VPS8: variants seen among roughly 807,000 people sequenced by gnomAD.
VPS8 encodes vacuolar protein sorting-associated protein 8 homolog.
In VPS8, 129 loss-of-function variants were observed where a neutral mutation model predicts 216.4. The ratio of observed to expected loss-of-function variants is 0.60; its 90% CI spans 0.52 to 0.69. The LOEUF (loss-of-function observed/expected upper bound fraction) is 0.69. Ranked by LOEUF, VPS8 falls within the 30% of genes least tolerant of loss-of-function variation. The pLI, the probability that VPS8 is intolerant of heterozygous loss-of-function variation, is 0.00. For synonymous variants in VPS8, 571 were observed against 565.4 expected, an observed-to-expected ratio of 1.01 and a Z score of -0.14; for missense variants, 1,531 against 1,683.5, an observed-to-expected ratio of 0.91 and a Z score of 1.59.
At chr3:184,842,110 C>A (rs1405359808) in intron 7 of VPS8, among the ~76,000 whole-genome samples, 2 of 142,902 alleles carry the variant, frequency 1.4e-5, no homozygotes, top group African/African-American at 2.7e-5. Context: ...TGGCGTGAAC[C>A]CGGGAGGCGG....
intron 25 of VPS8, 24 bp downstream of exon 25, chr3:184,900,996 T>C (rs369251159): frequency 6.3e-7 from 1 of 1,599,818 alleles, no homozygotes. Flanking sequence ...AAGCCTTAAT[T>C]TTTTGCTTTC....
chr3:184,878,400 C>T (rs1175361421), intron 21 of VPS8, among the ~76,000 whole-genome samples: 2 of 152,160 alleles, frequency 1.3e-5, no homozygotes, highest in Non-Finnish European at 2.9e-5. Flanking sequence ...TGAGCCACTG[C>T]GCCTAACCTA....
At chr3:184,953,331 T>C (rs1745037953) in intron 36 of VPS8, among the ~76,000 whole-genome samples, 1 of 152,208 alleles carries the variant, frequency 6.6e-6, no homozygotes, top group Non-Finnish European at 1.5e-5. Flanking sequence ...GGAGGTTTTA[T>C]ACATTGATTT....
intron 9 of VPS8, 29 bp from the exon 10 acceptor site, chr3:184,849,897 GCAATAAATTT>G (rs1284930551): frequency 4.0e-6 from 6 of 1,510,458 alleles, no homozygotes; most frequent in Non-Finnish European, 5.5e-6. Flanking sequence ...CAAAAAAAGA[GCAATAAATTT>G]GTTTTTGAAG....
chr3:184,997,958 C>T (rs937484183), intron 44 of VPS8, among the ~76,000 whole-genome samples: 2 of 150,472 alleles, frequency 1.3e-5, no homozygotes, highest in Admixed American at 6.6e-5. Context: ...GGCCATGCAA[C>T]GTCAGAAGAG....
At chr3:184,953,499 C>T (rs191044211) in intron 36 of VPS8, among the ~76,000 whole-genome samples, 1 of 152,136 alleles carries the variant, frequency 6.6e-6, no homozygotes, top group Non-Finnish European at 1.5e-5. Context: ...GCGTGACTCT[C>T]TTCAGACCCT....
chr3:184,927,514 C>T (rs1003932881), intron 31 of VPS8, among the ~76,000 whole-genome samples: 3 of 152,136 alleles, frequency 2.0e-5, no homozygotes, highest in African/African-American at 7.2e-5. Flanking sequence ...CCCCTCATTT[C>T]AGCTGCTTAG....
chr3:184,965,636 T>C (rs75289511), intron 38 of VPS8, among the ~76,000 whole-genome samples: 1,525 of 152,350 alleles, frequency 0.01, 31 homozygotes, highest in African/African-American at 0.035. Context: ...TTGTAGCTAG[T>C]CTTCTTGTCA....
intron 46 of VPS8, among the ~76,000 whole-genome samples, chr3:185,041,211 A>G (rs371372159): frequency 0.011 from 1,632 of 145,280 alleles, 30 homozygotes; most frequent in African/African-American, 0.039. Context: ...ATCTCAAAGG[A>G]AAAAAAAAAA....
At chr3:185,003,306 C>T (rs543571784) in intron 45 of VPS8, among the ~76,000 whole-genome samples, 4,934 of 144,574 alleles carry the variant, frequency 0.034, 232 homozygotes, top group African/African-American at 0.12. Context: ...TGCGGCCTTC[C>T]GCAGTGTTTG....
At chr3:184,886,083 G>C (rs1439000360) in intron 21 of VPS8, 27 bp from the exon 22 acceptor site, 1 of 1,601,756 alleles carries the variant, frequency 6.2e-7, no homozygotes. Context: ...TTGTGGGGCT[G>C]ATGCTTTCTT....
intron 45 of VPS8, among the ~76,000 whole-genome samples, chr3:185,021,266 C>T (rs1263686234): frequency 1.3e-5 from 2 of 152,170 alleles, no homozygotes; most frequent in African/African-American, 4.8e-5. Flanking sequence ...TAAAATGTCT[C>T]TTTTAAGCTT....
intron 3 of VPS8, among the ~76,000 whole-genome samples, chr3:184,827,336 T>C (rs1719013357): frequency 6.6e-6 from 1 of 152,252 alleles, no homozygotes; most frequent in African/African-American, 2.4e-5. Flanking sequence ...ATTTTAACTT[T>C]GAATGTGTTC....
chr3:185,042,554 C>T (rs1711903975), intron 46 of VPS8, among the ~76,000 whole-genome samples: 1 of 152,176 alleles, frequency 6.6e-6, no homozygotes, highest in African/African-American at 2.4e-5. Context: ...GTCCTGGCAT[C>T]TCAGGATAAT....
intron 34 of VPS8, among the ~76,000 whole-genome samples, chr3:184,933,578 C>T (rs940803223): frequency 4.0e-5 from 6 of 151,766 alleles, no homozygotes; most frequent in African/African-American, 1.5e-4. Context: ...TCATTTCCCC[C>T]CCTCTTTATG....
chr3:184,925,140 A>G (rs187041437), intron 30 of VPS8, among the ~76,000 whole-genome samples, 159 bp downstream of exon 30: 5 of 152,250 alleles, frequency 3.3e-5, no homozygotes, highest in African/African-American at 9.6e-5. Flanking sequence ...GTATGTGTAT[A>G]TGGGTGTATG....
At chr3:184,849,223 A>G (rs1246031037) in intron 9 of VPS8, 28 bp downstream of exon 9, 4 of 1,600,452 alleles carry the variant, frequency 2.5e-6, no homozygotes, top group Non-Finnish European at 3.4e-6. Context: ...TTTAATTCAT[A>G]AGACAATGTT....
intron 45 of VPS8, among the ~76,000 whole-genome samples, chr3:185,006,799 A>G (rs1754315315): frequency 6.6e-6 from 1 of 151,958 alleles, no homozygotes; most frequent in Non-Finnish European, 1.5e-5. Context: ...TGGTGAATGC[A>G]TTGGAATCCC....
chr3:184,915,533 C>T (rs1050641932), intron 28 of VPS8, 59 bp downstream of exon 28: 22 of 1,562,138 alleles, frequency 1.4e-5, no homozygotes, highest in South Asian at 2.3e-5. Context: ...AATTTTTTGG[C>T]GGGGTGTGGT....
Sources: allele counts gnomAD v4.1 joint callset (sites outside exome capture counted in the v4.1 genomes callset), GRCh38; gene constraint gnomAD v4.1.1; transcripts MANE v1.5; gene names NCBI Gene and HGNC (gene_info 2026-07-23, HGNC 2026-07-21).